Variants in PTH2R observed in about 807,000 individuals in gnomAD.
PTH2R encodes parathyroid hormone 2 receptor, also known as PTH2 receptor.
A neutral mutation model predicts 60.3 loss-of-function variants in PTH2R; 59 were observed. The observed-to-expected ratio is 0.98, with a 90% CI of 0.79 to 1.22. The LOEUF (loss-of-function observed/expected upper bound fraction) is 1.22, where lower values mean the gene tolerates loss of function less well. PTH2R is among the 50% of genes most tolerant of loss of function. The probability of loss-of-function intolerance (pLI) is 0.00; values close to 1 mark genes in which losing one functional copy is unlikely to be tolerated. For synonymous variants in PTH2R, 256 were observed against 243.8 expected (o/e 1.05, Z -0.47); for missense variants, 749 against 682.6 (o/e 1.10, Z -1.08).
rs528878466 is a variant in PTH2R at position 208,415,823 on chromosome 2, A to G, written c.75+8705A>G. On this transcript the variant is annotated intron_variant, in intron 1 of 12. Coordinates refer to ENST00000272847, the MANE Select transcript of PTH2R (RefSeq NM_005048.4). ...CTGCAATAAAAGTAAAGTTCAAAGT[A>G]AGGTTCTCATTTGTTAGCTAAGCGA... is the stretch of plus-strand genomic sequence containing the variant. 5.8e-4 allele frequency among the ~76,000 whole-genome samples: 89 copies of G among 152,316 alleles called. 1 individual carries two copies. The highest frequency in any genetic ancestry group is 2.9e-5 in the Non-Finnish European group (2 of 68,022).
intron 1 of PTH2R, among the ~76,000 whole-genome samples, chr2:208,399,640 G>A (rs1701271701): frequency 6.6e-6 from 1 of 152,086 alleles, no homozygotes; most frequent in African/African-American, 2.4e-5. Context: ...TGACTCCACT[G>A]GGAGAAGACC....
At chr2:208,374,263 T>C (rs922527757) in intron 1 of PTH2R, among the ~76,000 whole-genome samples, 2 of 152,062 alleles carry the variant, frequency 1.3e-5, no homozygotes, top group Non-Finnish European at 2.9e-5. Flanking sequence ...GGCTGACTCT[T>C]TCTCCAAAAA....
intron 1 of PTH2R, among the ~76,000 whole-genome samples, chr2:208,389,807 G>A (rs547839232): frequency 5.3e-4 from 80 of 151,850 alleles, no homozygotes; most frequent in Middle Eastern, 6.8e-3. Flanking sequence ...CTTTTTTTGC[G>A]GGGGTGGGGG....
intron 2 of PTH2R, among the ~76,000 whole-genome samples, chr2:208,435,092 G>A (rs962472681): frequency 2.6e-5 from 4 of 152,236 alleles, no homozygotes; most frequent in African/African-American, 4.8e-5. Flanking sequence ...ATGCTAAGAA[G>A]TTAATTTCAG....
At chr2:208,383,269 G>A (rs941016208) in intron 1 of PTH2R, among the ~76,000 whole-genome samples, 2 of 152,158 alleles carry the variant, frequency 1.3e-5, no homozygotes, top group Non-Finnish European at 2.9e-5. Context: ...GAATATACCA[G>A]CTGGTCCTGT....
intron 1 of PTH2R, among the ~76,000 whole-genome samples, chr2:208,375,338 A>G (rs113270627): frequency 7.2e-5 from 11 of 152,222 alleles, no homozygotes; most frequent in East Asian, 1.9e-4. Context: ...AACAGGCTGT[A>G]TTGCTCAGAG....
chr2:208,365,414 A>G (rs755140461), intron 1 of PTH2R, among the ~76,000 whole-genome samples: 3 of 151,872 alleles, frequency 2.0e-5, no homozygotes, highest in African/African-American at 4.8e-5. Flanking sequence ...ATTTTGCCAA[A>G]TGCTTTTCCT....
At chr2:208,462,246 G>A (rs1345557575) in intron 9 of PTH2R, among the ~76,000 whole-genome samples, 3 of 152,122 alleles carry the variant, frequency 2.0e-5, no homozygotes, top group African/African-American at 7.2e-5. Flanking sequence ...TTTAGAGAAG[G>A]CTGAGTTAAG....
chr2:208,473,515 CT>C (rs1702930072), intron 9 of PTH2R, among the ~76,000 whole-genome samples: 2 of 152,120 alleles, frequency 1.3e-5, no homozygotes, highest in Non-Finnish European at 2.9e-5. Context: ...CACAAAAGTC[CT>C]GGCCAGTGTA....
At chr2:208,360,032 T>G (rs1336376502) in exon 1 of PTH2R, 1 of 335,130 alleles carries the variant, frequency 3.0e-6, no homozygotes, top group African/African-American at 2.2e-5. Context: ...ACAGGTTTTT[T>G]GGGTCGGAGA....
At chr2:208,404,606 C>T (rs1010524047), upstream of PTH2R, among the ~76,000 whole-genome samples, 1 of 152,098 alleles carries the variant, frequency 6.6e-6, no homozygotes, top group Non-Finnish European at 1.5e-5. Context: ...AATTGTTACA[C>T]GGGCCTTATG....
At chr2:208,385,668 A>G (rs137906136) in intron 1 of PTH2R, among the ~76,000 whole-genome samples, 48 of 152,382 alleles carry the variant, frequency 3.1e-4, no homozygotes, top group African/African-American at 1.1e-3. Flanking sequence ...ATGACGTAGT[A>G]CCAGACAGTC....
intron 9 of PTH2R, among the ~76,000 whole-genome samples, chr2:208,463,699 C>T (rs1489225571): frequency 6.6e-6 from 1 of 152,160 alleles, no homozygotes; most frequent in Non-Finnish European, 1.5e-5. Flanking sequence ...TCTCCTACTC[C>T]CTGCAACACA....
At chr2:208,408,591 C>T (rs551170835) in intron 1 of PTH2R, among the ~76,000 whole-genome samples, 62 of 151,674 alleles carry the variant, frequency 4.1e-4, no homozygotes, top group Admixed American at 3.7e-3. Flanking sequence ...CTTTGGGAGA[C>T]GGGAGGATCT....
At chr2:208,422,077 AAGGTCGGAGAACCAGGGGAGCTGATG>A (rs1701767471) in intron 1 of PTH2R, among the ~76,000 whole-genome samples, 1 of 152,230 alleles carries the variant, frequency 6.6e-6, no homozygotes, top group African/African-American at 2.4e-5. Flanking sequence ...TCCAAGTCTG[AAGGTCGGAGAACCAGGGGAGCTGATG>A]GCATAAATCT....
intron 1 of PTH2R, among the ~76,000 whole-genome samples, chr2:208,377,095 A>C (rs1486996919): frequency 1.3e-5 from 2 of 151,944 alleles, no homozygotes; most frequent in Non-Finnish European, 2.9e-5. Flanking sequence ...TGCTGCCTTC[A>C]AGCATCTGTT....
intron 1 of PTH2R, among the ~76,000 whole-genome samples, chr2:208,419,691 A>G (rs937939855): frequency 1.3e-5 from 2 of 152,148 alleles, no homozygotes; most frequent in East Asian, 1.9e-4. Context: ...ATCTTGAATT[A>G]ATTTTTGTAT....
Position 208,443,514 on chromosome 2 carries a change from A to C in PTH2R, c.676A>C (p.Thr226Pro). 6.2e-7 allele frequency: 1 copy of C among 1,606,978 alleles called. No homozygotes were observed. The highest frequency in any genetic ancestry group is 8.5e-7 in the Non-Finnish European group (1 of 1,177,814). Reference protein sequence around the residue: ...QDDPQNSIEATSVDKSQYIGC... With the variant: ...QDDPQNSIEAPSVDKSQYIGC... Reference sequence around the variant, plus strand: ...TGACCCACAAAATTCCATTGAGGCAACTTCTGTGGACAAATCACAATATGT... The same window carrying C: ...TGACCCACAAAATTCCATTGAGGCACCTTCTGTGGACAAATCACAATATGT... Residue 226 changes from threonine to proline, a missense_variant, in exon 6 of 13, where the codon ACT (threonine) becomes CCT (proline). Physicochemically the swap from Thr to Pro is conservative, Grantham distance 38. Coordinates refer to ENST00000272847, the MANE Select transcript of PTH2R (RefSeq NM_005048.4).
At chr2:208,389,918 A>G (rs1231540871) in intron 1 of PTH2R, among the ~76,000 whole-genome samples, 2 of 152,120 alleles carry the variant, frequency 1.3e-5, no homozygotes, top group African/African-American at 4.8e-5. Context: ...AGCTGCTACT[A>G]TTAGCAAACG....
Sources: gnomAD v4.1 joint callset for allele counts (sites outside exome capture counted in the v4.1 genomes callset) on GRCh38, gnomAD v4.1.1 for gene constraint, MANE v1.5 for transcripts, NCBI Gene and HGNC (gene_info 2026-07-23, HGNC 2026-07-21) for gene names.